RALGPS1: variants seen among roughly 807,000 people sequenced by gnomAD.
RALGPS1 encodes ras-specific guanine nucleotide-releasing factor RalGPS1.
RALGPS1 carries 19 observed loss-of-function variants against 78.8 expected under a neutral mutation model. The observed-to-expected ratio is 0.24, with a 90% CI of 0.17 to 0.35. The LOEUF (loss-of-function observed/expected upper bound fraction) is 0.35, where lower values mean the gene tolerates loss of function less well. Among genes scored for constraint, RALGPS1 ranks in the 10% least tolerant of loss-of-function variants. The pLI is 1.00. For missense variants in RALGPS1, 454 were observed against 688.3 expected (o/e 0.66, Z 3.81); for synonymous variants, 228 against 256.3 (o/e 0.89, Z 1.06).
At chr9:127,074,601 C>G (rs2050515284) in intron 8 of RALGPS1, among the ~76,000 whole-genome samples, 1 of 152,256 alleles carries the variant, frequency 6.6e-6, no homozygotes. Flanking sequence ...AGGATGGCCT[C>G]TTTTCTCGAA....
At chr9:127,026,415 G>GCATCCTT (rs1304239546) in intron 4 of RALGPS1, among the ~76,000 whole-genome samples, 2 of 151,150 alleles carry the variant, frequency 1.3e-5, no homozygotes, top group African/African-American at 4.9e-5. Context: ...TCAATACTTT[G>GCATCCTT]CATCCTTCCG....
chr9:127,074,227 C>A (rs2135977925), intron 8 of RALGPS1, among the ~76,000 whole-genome samples: 1 of 152,330 alleles, frequency 6.6e-6, no homozygotes, highest in East Asian at 1.9e-4. Flanking sequence ...ATGATTCTTG[C>A]AAACAGCATT....
At chr9:127,171,465 G>C (rs994155340) in intron 10 of RALGPS1, among the ~76,000 whole-genome samples, 1 of 152,090 alleles carries the variant, frequency 6.6e-6, no homozygotes, top group African/African-American at 2.4e-5. Context: ...ATTAATAAAA[G>C]AGGGCCGGGC....
chr9:127,210,356 T>G (rs989034496), intron 14 of RALGPS1: 1 of 346,508 alleles, frequency 2.9e-6, no homozygotes, highest in Non-Finnish European at 5.4e-6. Flanking sequence ...GGCTGTACAG[T>G]GTTTGCTATG....
At chr9:127,060,577 A>C (rs2049126699) in intron 7 of RALGPS1, among the ~76,000 whole-genome samples, 1 of 152,012 alleles carries the variant, frequency 6.6e-6, no homozygotes, top group Admixed American at 6.6e-5. Context: ...ACTATTCTCG[A>C]ATGGGTTGGC....
intron 11 of RALGPS1, among the ~76,000 whole-genome samples, chr9:127,180,648 G>A (rs2060154675): frequency 6.6e-6 from 1 of 152,230 alleles, no homozygotes; most frequent in African/African-American, 2.4e-5. Context: ...GGGCTCTGGT[G>A]CCGTCCAGAC....
intron 8 of RALGPS1, among the ~76,000 whole-genome samples, chr9:127,139,099 C>T (rs559573014): frequency 2.0e-5 from 3 of 152,286 alleles, no homozygotes; most frequent in South Asian, 4.2e-4. Context: ...ATCCTGGAAG[C>T]CAGGGACAGA....
In RALGPS1 at chr9:127,170,631, C is replaced by T. The variant is rs117819251; in HGVS notation, c.842+1859C>T. ...TGGGATAATATTTTCCATTTATGCA[C>T]CAGTATTGTGATAAAGGAGACAATG... On this transcript the variant is annotated intron_variant, in intron 10 of 18. Coordinates refer to ENST00000259351, the MANE Select transcript of RALGPS1 (RefSeq NM_014636.3). Among the ~76,000 whole-genome samples, 442 of 152,214 alleles carry T rather than the reference C, an allele frequency of 2.9e-3. 7 individuals are homozygous for T. Among genetic ancestry groups the T allele is most frequent in the East Asian group, 0.028 (143 of 5,186 alleles).
At position 127,218,655 on chromosome 9, in the gene RALGPS1, G is replaced by C; in HGVS notation, c.1645-85G>C. On this transcript the variant is annotated intron_variant, in intron 18 of 18. Transcript: ENST00000259351. The surrounding 1 kb of genome is among the most constrained non-coding windows in gnomAD (Gnocchi z 4.4). ...GCTCATTCCCAGACTCACGGGGAAA[G>C]GCCTGTCCCTTCCCCTAGGGACCAC... The C allele has an allele frequency of 1.4e-6, 2 of 1,418,452 alleles. No homozygotes were observed. The highest frequency in any genetic ancestry group is 2.3e-5 in the South Asian group (2 of 87,054). The allele number at this position is 1,418,452 out of a possible 1,614,324, so 87.9% of individuals were successfully genotyped here.
rs962655594 is a variant in RALGPS1 at position 127,197,031 on chromosome 9, G to A, written c.1195+400G>A. ...GGGCAAAGCAGGAGAGGCAGCCAGG[G>A]AGGGTAGCTGGGTGGCCACTGGGTT... On this transcript the variant is annotated intron_variant, in intron 13 of 18. Coordinates refer to ENST00000259351, the MANE Select transcript of RALGPS1 (RefSeq NM_014636.3). Among the ~76,000 whole-genome samples, 10 of 152,216 alleles carry A rather than the reference G, an allele frequency of 6.6e-5. No individual in the cohort carries two copies. The East Asian group carries it at 1.7e-3, about 26-fold the overall frequency.
chr9:127,051,818 A>G (rs2048324958), intron 6 of RALGPS1, among the ~76,000 whole-genome samples: 1 of 152,228 alleles, frequency 6.6e-6, no homozygotes, highest in Admixed American at 6.5e-5. Context: ...CCAGGGTGAG[A>G]GAGAGGCAAG....
intron 10 of RALGPS1, among the ~76,000 whole-genome samples, chr9:127,169,724 A>G (rs1377002138): frequency 6.6e-6 from 1 of 152,196 alleles, no homozygotes; most frequent in African/African-American, 2.4e-5. Context: ...TAGAAACTGT[A>G]CTTTGAGTAC....
At chr9:127,106,238 CTTTG>C (rs1362840367) in intron 8 of RALGPS1, among the ~76,000 whole-genome samples, 2 of 141,590 alleles carry the variant, frequency 1.4e-5, no homozygotes, top group Non-Finnish European at 3.2e-5. Context: ...TCAACTGAGC[CTTTG>C]TTTGGTGCCC....
At chr9:127,147,949 A>G (rs941360324) in intron 8 of RALGPS1, among the ~76,000 whole-genome samples, 6 of 152,332 alleles carry the variant, frequency 3.9e-5, no homozygotes, top group Middle Eastern at 3.4e-3. Flanking sequence ...GATTCAGATA[A>G]GGTAAATACA....
intron 8 of RALGPS1, among the ~76,000 whole-genome samples, chr9:127,098,362 G>A (rs566542849): frequency 6.6e-5 from 10 of 152,200 alleles, no homozygotes; most frequent in East Asian, 3.9e-4. Context: ...ACACTAACTC[G>A]GCAGCACCTG....
In RALGPS1 at chr9:127,137,541, G is replaced by A. The variant is rs111913749; in HGVS notation, c.611-28528G>A. The stretch of plus-strand genomic sequence containing the variant: ...CCAACTCCACCCTGCCAGTGGGGCT[G>A]TCCTGGGACACAGCTGCAGCCTTTG... On this transcript the variant is annotated intron_variant, in intron 8 of 18. Coordinates refer to ENST00000259351, the MANE Select transcript of RALGPS1 (RefSeq NM_014636.3). Among the ~76,000 whole-genome samples the A allele has an allele frequency of 3.8e-3, 582 of 152,350 alleles. 4 individuals carry two copies. The highest frequency in any genetic ancestry group is 0.013 in the African/African-American group (554 of 41,584).
chr9:127,109,246 A>G (rs1166315847), intron 8 of RALGPS1, among the ~76,000 whole-genome samples: 1 of 152,100 alleles, frequency 6.6e-6, no homozygotes, highest in Admixed American at 6.5e-5. Flanking sequence ...TGTAATACCC[A>G]TCACCGCTGT....
At chr9:127,059,628 G>C (rs922634704) in intron 7 of RALGPS1, among the ~76,000 whole-genome samples, 3 of 151,912 alleles carry the variant, frequency 2.0e-5, no homozygotes, top group African/African-American at 7.3e-5. Context: ...ATCTGCTTGG[G>C]GAGCTTCAAG....
intron 18 of RALGPS1, chr9:127,217,175 G>A: frequency 7.9e-7 from 1 of 1,262,968 alleles, no homozygotes; most frequent in Non-Finnish European, 9.9e-7. Flanking sequence ...ATTGGCAGAT[G>A]TGGTGTAGCA....
Sources: allele counts gnomAD v4.1 joint callset (sites outside exome capture counted in the v4.1 genomes callset), GRCh38; gene constraint gnomAD v4.1.1; non-coding constraint Gnocchi (gnomAD v3.1); transcripts MANE v1.5; gene names NCBI Gene and HGNC (gene_info 2026-07-23, HGNC 2026-07-21).